Variants in A4GNT observed in about 807,000 individuals in gnomAD.
A4GNT encodes the protein alpha-1,4-N-acetylglucosaminyltransferase.
A4GNT carries 6 observed loss-of-function variants against 8.3 expected under a neutral mutation model. The ratio of observed to expected loss-of-function variants is 0.72; its 90% CI spans 0.39 to 1.42. The LOEUF (loss-of-function observed/expected upper bound fraction) is 1.42, where lower values mean the gene tolerates loss of function less well. Ranked by LOEUF, A4GNT falls within the 40% of genes most tolerant of loss-of-function variation. The pLI is 0.02. For missense variants in A4GNT, 377 were observed against 417.0 expected (o/e 0.90, Z 0.84); for synonymous variants, 157 against 159.8 (o/e 0.98, Z 0.13).
At chr3:138,131,364 C>T in intron 1 of A4GNT, 82 bp from the exon 2 acceptor site, 1 of 1,091,610 alleles carries the variant, frequency 9.2e-7, no homozygotes, top group Non-Finnish European at 1.2e-6. Context: ...ACATGAATAT[C>T]ATTTAAAAAC....
upstream of A4GNT, among the ~76,000 whole-genome samples, chr3:138,132,858 G>A (rs2042786109): frequency 6.6e-6 from 1 of 152,238 alleles, no homozygotes; most frequent in Non-Finnish European, 1.5e-5. Flanking sequence ...AATGAGAAGT[G>A]ATTCCCCAGT....
chr3:138,131,156 G>A lies in A4GNT; in HGVS notation c.101C>T (p.Pro34Leu). The change falls in exon 2 of 3, where the codon CCT becomes CTT. Residue 34 changes from proline (P) to leucine (L), a missense_variant. By Grantham distance (98) the Pro-to-Leu change is moderately conservative. Coordinates refer to ENST00000236709, the MANE Select transcript of A4GNT (RefSeq NM_016161.3). The part of the protein sequence containing the change: ...TLKSSCLFCL[P>L]SFKSHQGLEA... Reference sequence around the variant, plus strand: ...CAGCCCCTGGTGGGACTTGAAAGAAGGCAAACAGAAGAGGCAGCTGGACTT... The same window carrying A: ...CAGCCCCTGGTGGGACTTGAAAGAAAGCAAACAGAAGAGGCAGCTGGACTT... 6.2e-7 allele frequency: 1 copy of A among 1,613,500 alleles called. No individual in the cohort carries two copies. Among genetic ancestry groups the A allele is most frequent in the African/African-American group, 1.3e-5 (1 of 74,942 alleles).
At chr3:138,125,594 C>T (rs778573814) in intron 2 of A4GNT, among the ~76,000 whole-genome samples, 26 of 152,118 alleles carry the variant, frequency 1.7e-4, no homozygotes, top group Non-Finnish European at 2.9e-4. Context: ...CGCTGTATTA[C>T]GTTAGTTCCC....
chr3:138,130,043 G>A (rs569186396), intron 2 of A4GNT, among the ~76,000 whole-genome samples: 9 of 149,472 alleles, frequency 6.0e-5, no homozygotes, highest in African/African-American at 2.0e-4. Flanking sequence ...CCAATTATAC[G>A]AAAACACCTA....
In A4GNT at chr3:138,124,410, T is replaced by G. The variant is rs1328687485; in HGVS notation, c.877A>C (p.Met293Leu). The change falls in exon 3 of 3, where the codon ATG becomes CTG. Residue 293 changes from methionine to leucine, a missense_variant. Coordinates refer to ENST00000236709, the MANE Select transcript of A4GNT (RefSeq NM_016161.3). ...VSYALHLWNH[M>L]NQEGRAVIRG... ...ATCACAGCCCGCCCCTCCTGGTTCA[T>G]GTGGTTCCACAAATGCAGGGCATAA... 6.2e-7 allele frequency: 1 copy of G among 1,614,120 alleles called. No homozygotes were observed. Among genetic ancestry groups the G allele is most frequent in the Non-Finnish European group, 8.5e-7 (1 of 1,180,062 alleles).
upstream of A4GNT, among the ~76,000 whole-genome samples, chr3:138,132,610 AT>A (rs2107889656): frequency 6.6e-6 from 1 of 152,322 alleles, no homozygotes; most frequent in Non-Finnish European, 1.5e-5. Flanking sequence ...TTGTGGATCT[AT>A]TATGGGGGTT....
rs749944753 is a variant in A4GNT at position 138,131,113 on chromosome 3, G to A, written c.144C>T (p.His48=). The A allele has an allele frequency of 1.2e-5, 19 of 1,613,554 alleles. No individual in the cohort carries two copies. The highest frequency in any genetic ancestry group is 9.3e-6 in the Non-Finnish European group (11 of 1,179,708). Residue 48 remains histidine (H), a synonymous_variant, in exon 2 of 3, where the codon CAC becomes CAT. Coordinates refer to ENST00000236709, the MANE Select transcript of A4GNT (RefSeq NM_016161.3). ...TCTCTAGAAACACAATGCCACGTCT[G>A]TGGCTCAGGAGGGCTTCCAGCCCCT... The part of the protein sequence containing the change: ...SHQGLEALLS[H]RRGIVFLETS...
chr3:138,130,063 T>C (rs2042767121), intron 2 of A4GNT, among the ~76,000 whole-genome samples: 3 of 152,172 alleles, frequency 2.0e-5, no homozygotes. Flanking sequence ...ACTATTATTG[T>C]GTGTTGTAGA....
intron 2 of A4GNT, among the ~76,000 whole-genome samples, chr3:138,125,580 G>A (rs758179113): frequency 2.0e-5 from 3 of 152,166 alleles, no homozygotes; most frequent in Non-Finnish European, 4.4e-5. Flanking sequence ...GGGCCAGGGT[G>A]GAGCGCTGTA....
intron 2 of A4GNT, among the ~76,000 whole-genome samples, chr3:138,129,491 A>G (rs2042764142): frequency 6.6e-6 from 1 of 152,188 alleles, no homozygotes; most frequent in African/African-American, 2.4e-5. Flanking sequence ...TCAGGAGGAA[A>G]TGCAGCCCTG....
intron 2 of A4GNT, among the ~76,000 whole-genome samples, chr3:138,126,126 A>G (rs2042743519): frequency 6.6e-6 from 1 of 152,134 alleles, no homozygotes; most frequent in Non-Finnish European, 1.5e-5. Flanking sequence ...GTCGGTTGAC[A>G]TAATCCAGAC....
intron 2 of A4GNT, among the ~76,000 whole-genome samples, chr3:138,127,573 C>CAA (rs78781728): frequency 7.4e-5 from 8 of 108,254 alleles, no homozygotes; most frequent in Admixed American, 1.9e-4. Context: ...GACTCCGTCT[C>CAA]AAAAAAAAAA....
At chr3:138,128,147 C>T (rs535720927) in intron 2 of A4GNT, among the ~76,000 whole-genome samples, 7 of 152,292 alleles carry the variant, frequency 4.6e-5, no homozygotes, top group Admixed American at 2.0e-4. Flanking sequence ...TTAATATCCT[C>T]ATGTGTGTGA....
At chr3:138,133,223 A>G (rs575666757), upstream of A4GNT, among the ~76,000 whole-genome samples, 1 of 152,184 alleles carries the variant, frequency 6.6e-6, no homozygotes, top group Admixed American at 6.5e-5. Context: ...TGCCCCACTC[A>G]TTGATGGCTT....
chr3:138,129,255 T>C (rs2042763139), intron 2 of A4GNT, among the ~76,000 whole-genome samples: 1 of 152,154 alleles, frequency 6.6e-6, no homozygotes, highest in Non-Finnish European at 1.5e-5. Context: ...GAAAAGTATC[T>C]TTGCAGGTGG....
At chr3:138,126,326 G>A (rs777186496) in intron 2 of A4GNT, among the ~76,000 whole-genome samples, 59 of 151,878 alleles carry the variant, frequency 3.9e-4, no homozygotes, top group Non-Finnish European at 7.5e-4. Flanking sequence ...AAATGTCAAT[G>A]TTCTCATATG....
At chr3:138,128,902 T>G (rs2107886888) in intron 2 of A4GNT, among the ~76,000 whole-genome samples, 1 of 151,994 alleles carries the variant, frequency 6.6e-6, no homozygotes, top group Non-Finnish European at 1.5e-5. Flanking sequence ...CTGCCCCACC[T>G]CCTCCTGATG....
chr3:138,132,150 A>G (rs1011388362), intron 1 of A4GNT, 62 bp downstream of exon 1: 5 of 152,266 alleles, frequency 3.3e-5, no homozygotes, highest in African/African-American at 1.2e-4. Context: ...ATTAGCAAGT[A>G]GCAGAGCTGT....
Position 138,131,080 on chromosome 3 carries a change from C to T in A4GNT, c.177G>A (p.Glu59=). Reference sequence around the variant, plus strand: ...AGACCAAATGGGGTGGCTCCATTCTCTCTGAGGTCTCTAGAAACACAATGC... The same window carrying T: ...AGACCAAATGGGGTGGCTCCATTCTTTCTGAGGTCTCTAGAAACACAATGC... The part of the protein sequence containing the change: ...RRGIVFLETS[E]RMEPPHLVSC... Residue 59 remains glutamate (E), a synonymous_variant, in exon 2 of 3, where the codon GAG becomes GAA. Coordinates refer to ENST00000236709, the MANE Select transcript of A4GNT (RefSeq NM_016161.3). 3 of 1,613,618 alleles carry T rather than the reference C, an allele frequency of 1.9e-6. No individual in the cohort carries two copies. Among genetic ancestry groups the T allele is most frequent in the Non-Finnish European group, 2.5e-6 (3 of 1,179,606 alleles).
Sources: allele counts gnomAD v4.1 joint callset (sites outside exome capture counted in the v4.1 genomes callset), GRCh38; gene constraint gnomAD v4.1.1; transcripts MANE v1.5; gene names NCBI Gene and HGNC (gene_info 2026-07-23, HGNC 2026-07-21).